The following CD24 variants were observed in gnomAD, a reference collection of about 807,000 sequenced individuals.
CD24 encodes CD24 molecule.
In CD24, 2 loss-of-function variants were observed where a neutral mutation model predicts 3.6. That is an observed-to-expected ratio of 0.56 (90% CI 0.23 to 1.77). CD24 has a LOEUF of 1.77. Ranked by LOEUF, CD24 falls within the 40% of genes most tolerant of loss-of-function variation. The pLI is 0.18. For synonymous variants in CD24, 33 were observed against 44.9 expected (o/e 0.74, Z 1.06); for missense variants, 62 against 93.6 (o/e 0.66, Z 1.39).
At chr6:106,973,640 C>T in intron 1 of CD24, 1 of 398,592 alleles carries the variant, frequency 2.5e-6, no homozygotes, top group Admixed American at 4.4e-5. Context: ...CTCCCATCCT[C>T]CAAACCCGAA....
intron 1 of CD24, among the ~76,000 whole-genome samples, chr6:106,973,205 G>A (rs1773015283): frequency 6.6e-6 from 1 of 151,942 alleles, no homozygotes; most frequent in African/African-American, 2.4e-5. Context: ...ATCAATCTGA[G>A]GATCTAAAGA....
Position 106,970,026 on chromosome 6 carries a change from CCATG to C in CD24, c.*1631_*1634del, listed in dbSNP as rs1271700464. 6.6e-6 allele frequency: 1 copy of C among 152,568 alleles called. No individual in the cohort carries two copies. The highest frequency in any genetic ancestry group is 2.4e-5 in the African/African-American group (1 of 41,410). 9.5% of individuals were successfully genotyped at this position (152,568 alleles called of 1,614,324 possible). On this transcript the variant is annotated 3_prime_UTR_variant, in exon 2 of 2. Coordinates refer to ENST00000606017, the MANE Select transcript of CD24 (RefSeq NM_001359084.1). ...TCAAAACTGTTCGATCTGTTTGTTC[CCATG>C]TAGTTTTCTAAAGATGGAAAAAAAG...
chr6:106,974,800 G>A, upstream of CD24: 1 of 660,452 alleles, frequency 1.5e-6, no homozygotes. Context: ...GGCGCCGCCC[G>A]CCCACCCCGG....
chr6:106,972,360 G>C (rs1772994251), intron 1 of CD24, among the ~76,000 whole-genome samples: 1 of 152,142 alleles, frequency 6.6e-6, no homozygotes, highest in Non-Finnish European at 1.5e-5. Context: ...TTCCTTAAGG[G>C]GGAAATGCAG....
At position 106,971,720 on chromosome 6, in the gene CD24, G is replaced by A. The variant is rs1161359866; in HGVS notation, c.184C>T (p.Leu62=). ...NATTKAAGGA[L]QSTASLFVVS... ...ACGAAGAGACTGGCTGTTGACTGCA[G>A]GGCACCACCAGCCGCCTTGGTGGTG... The change falls in exon 2 of 2, where the codon CTG becomes TTG. Residue 62 remains leucine, a synonymous_variant. Coordinates refer to ENST00000606017, the MANE Select transcript of CD24 (RefSeq NM_001359084.1). 18 of 1,547,434 alleles carry A rather than the reference G, an allele frequency of 1.2e-5. No individual in the cohort carries two copies. Among genetic ancestry groups the A allele is most frequent in the Middle Eastern group, 1.7e-4 (1 of 5,854 alleles).
chr6:106,973,316 C>T (rs1562255944), intron 1 of CD24: 4 of 228,846 alleles, frequency 1.7e-5, no homozygotes, highest in Admixed American at 5.7e-5. Flanking sequence ...TTCTCACTTA[C>T]AATGTTGGAG....
intron 1 of CD24, among the ~76,000 whole-genome samples, chr6:106,972,137 T>C (rs1772986726): frequency 6.6e-6 from 1 of 152,246 alleles, no homozygotes; most frequent in Non-Finnish European, 1.5e-5. Context: ...GGTTAACTAA[T>C]TCAGTTTCCA....
chr6:106,974,618 C>T lies in CD24; in HGVS notation c.29G>A (p.Gly10Glu). 1 of 1,476,562 alleles carries T rather than the reference C, an allele frequency of 6.8e-7. No homozygotes were observed. Among genetic ancestry groups the T allele is most frequent in the Non-Finnish European group, 8.9e-7 (1 of 1,119,492 alleles). 91.5% of individuals were successfully genotyped at this position (1,476,562 alleles called of 1,614,324 possible). A position where few individuals can be genotyped will look rare whatever the true frequency, so the allele number is the denominator to read the frequency against. The change falls in exon 1 of 2, where the codon GGG (glycine) becomes GAG (glutamate). Residue 10 changes from glycine to glutamate, a missense_variant. Physicochemically the swap from Gly to Glu is moderately conservative, Grantham distance 98. Coordinates refer to ENST00000606017, the MANE Select transcript of CD24 (RefSeq NM_001359084.1). MGRAMVARL[G>E]LGLLLLALLL... Reference sequence around the variant, plus strand: ...CAGTGCCAGCAGCAGCAGCCCCAGCCCGAGCCTGGCCACCATTGCTCTGCC... The same window carrying T: ...CAGTGCCAGCAGCAGCAGCCCCAGCTCGAGCCTGGCCACCATTGCTCTGCC...
chr6:106,974,434 C>G, intron 1 of CD24, 144 bp downstream of exon 1: 1 of 539,816 alleles, frequency 1.9e-6, no homozygotes, highest in East Asian at 3.5e-5. Context: ...GGCCCTCTCC[C>G]CTGGTCAGCT....
At chr6:106,974,134 T>C (rs1339089954) in intron 1 of CD24, 4 of 391,684 alleles carry the variant, frequency 1.0e-5, no homozygotes, top group African/African-American at 2.1e-5. Context: ...CCGTCGCCTC[T>C]CTTTGTGTAG....
chr6:106,972,699 G>A (rs1436088937), intron 1 of CD24, among the ~76,000 whole-genome samples: 5 of 152,064 alleles, frequency 3.3e-5, no homozygotes, highest in Admixed American at 1.3e-4. Context: ...TCTCTCCTTT[G>A]TCATGGAACA....
rs1773063540 is a variant in CD24 at position 106,974,713 on chromosome 6, G to C, written c.-67C>G. On this transcript the variant is annotated 5_prime_UTR_variant, in exon 1 of 2. Coordinates refer to ENST00000606017, the MANE Select transcript of CD24 (RefSeq NM_001359084.1). Reference sequence around the variant, plus strand: ...GTGCTTGGAGAACCGCTGGCTCCGGGCGGGCGCAGGCAAGGTGGGGAGCGC... The same window carrying C: ...GTGCTTGGAGAACCGCTGGCTCCGGCCGGGCGCAGGCAAGGTGGGGAGCGC... 14 of 1,462,996 alleles carry C rather than the reference G, an allele frequency of 9.6e-6. No individual in the cohort carries two copies. The highest frequency in any genetic ancestry group is 1.3e-5 in the Non-Finnish European group (14 of 1,111,692). The allele number at this position is 1,462,996 out of a possible 1,614,324, so 90.6% of individuals were successfully genotyped here. A position where few individuals can be genotyped will look rare whatever the true frequency, so the allele number is the denominator to read the frequency against.
chr6:106,975,463 C>T (rs1163644682), upstream of CD24: 1 of 152,144 alleles, frequency 6.6e-6, no homozygotes, highest in Non-Finnish European at 1.5e-5. Context: ...GCGATCTGCG[C>T]GCTCGGCCCC....
Position 106,970,075 on chromosome 6 carries a change from AC to A in CD24, c.*1585del, listed in dbSNP as rs1772931347. 6.6e-6 allele frequency: 1 copy of A among 152,668 alleles called. No homozygotes were observed. The highest frequency in any genetic ancestry group is 2.4e-5 in the African/African-American group (1 of 41,470). 9.5% of individuals were successfully genotyped at this position (152,668 alleles called of 1,614,324 possible). On this transcript the variant is annotated 3_prime_UTR_variant, in exon 2 of 2. Transcript: ENST00000606017. ...AAAAAGGACTTTGGTCATCAAGACTACTGTGGCCATATTAGATTACTGGAAC... is the reference window on the plus strand; with the variant it reads ...AAAAAGGACTTTGGTCATCAAGACTATGTGGCCATATTAGATTACTGGAAC...
At position 106,974,666 on chromosome 6, in the gene CD24, G is replaced by A. The variant is rs1461322922; in HGVS notation, c.-20C>T. On this transcript the variant is annotated 5_prime_UTR_variant, in exon 1 of 2. Coordinates refer to ENST00000606017, the MANE Select transcript of CD24 (RefSeq NM_001359084.1). ...GCCCATGTCCCCTCCGTCGGTGCGCGGCGCGTCTAGCAGGATGCTGGGTGC... is the reference window on the plus strand; with the variant it reads ...GCCCATGTCCCCTCCGTCGGTGCGCAGCGCGTCTAGCAGGATGCTGGGTGC... 1 of 1,493,196 alleles carries A rather than the reference G, an allele frequency of 6.7e-7. No individual in the cohort carries two copies. Among genetic ancestry groups the A allele is most frequent in the Non-Finnish European group, 8.9e-7 (1 of 1,125,356 alleles). 92.5% of individuals were successfully genotyped at this position (1,493,196 alleles called of 1,614,324 possible). A position where few individuals can be genotyped will look rare whatever the true frequency, so the allele number is the denominator to read the frequency against.
Position 106,974,605 on chromosome 6 carries a change from C to T in CD24, c.42G>A (p.Leu14=), listed in dbSNP as rs1481642833. The T allele has an allele frequency of 1.1e-5, 16 of 1,460,576 alleles. No individual in the cohort carries two copies. The highest frequency in any genetic ancestry group is 2.4e-4 in the Middle Eastern group (1 of 4,176). The allele number at this position is 1,460,576 out of a possible 1,614,324, so 90.5% of individuals were successfully genotyped here. The change falls in exon 1 of 2, where the codon CTG becomes CTA. Residue 14 remains leucine, a synonymous_variant. Transcript: ENST00000606017. ...GCGTGGGTAGGAGCAGTGCCAGCAG[C>T]AGCAGCCCCAGCCCGAGCCTGGCCA... ...AMVARLGLGL[L]LLALLLPTQI...
intron 1 of CD24, 110 bp from the exon 2 acceptor site, chr6:106,971,944 TTGTTCTCTTACCCAA>T (rs1772982240): frequency 1.4e-6 from 1 of 734,642 alleles, no homozygotes; most frequent in African/African-American, 1.8e-5. Flanking sequence ...TCTCTTACCA[TTGTTCTCTTACCCAA>T]CATCATTAAC....
At position 106,970,177 on chromosome 6, in the gene CD24, C is replaced by G. The variant is rs1328722547; in HGVS notation, c.*1484G>C. Reference sequence around the variant, plus strand: ...TATTTTTAAAAAGGTTTATGTGTGTCGAGGCAGTTGTAAAAGATTTACTGC... The same window carrying G: ...TATTTTTAAAAAGGTTTATGTGTGTGGAGGCAGTTGTAAAAGATTTACTGC... On this transcript the variant is annotated 3_prime_UTR_variant, in exon 2 of 2. Transcript: ENST00000606017. 2 of 152,302 alleles carry G rather than the reference C, an allele frequency of 1.3e-5. No homozygotes were observed. The highest frequency in any genetic ancestry group is 2.9e-5 in the Non-Finnish European group (2 of 68,012). 9.4% of individuals were successfully genotyped at this position (152,302 alleles called of 1,614,324 possible).
upstream of CD24, chr6:106,975,117 G>A (rs1299715750): frequency 1.3e-5 from 2 of 152,092 alleles, no homozygotes; most frequent in Non-Finnish European, 1.5e-5. Flanking sequence ...TTTGTTTCCC[G>A]GGACCTGCCA....
Sources: gnomAD v4.1 joint callset for allele counts (sites outside exome capture counted in the v4.1 genomes callset) on GRCh38, gnomAD v4.1.1 for gene constraint, MANE v1.5 for transcripts, NCBI Gene and HGNC (gene_info 2026-07-23, HGNC 2026-07-21) for gene names.